GUCY1A2: variants seen among roughly 807,000 people sequenced by gnomAD.
The protein encoded by GUCY1A2 is guanylate cyclase 1 soluble subunit alpha 2, also known as guanylate cyclase soluble subunit alpha-2.
Under a neutral mutation model 63.5 loss-of-function variants are expected in GUCY1A2, and 27 were observed. That is an observed-to-expected ratio of 0.43 (90% CI 0.31 to 0.59). GUCY1A2 has a LOEUF of 0.59. Among genes scored for constraint, GUCY1A2 ranks in the 20% least tolerant of loss-of-function variants. The pLI, the probability that GUCY1A2 is intolerant of heterozygous loss-of-function variation, is 0.11. For synonymous variants in GUCY1A2, 364 were observed against 343.5 expected, an observed-to-expected ratio of 1.06 and a Z score of -0.66; for missense variants, 768 against 913.3, an observed-to-expected ratio of 0.84 and a Z score of 2.05.
intron 7 of GUCY1A2, among the ~76,000 whole-genome samples, chr11:106,708,087 A>G (rs1293090544): frequency 1.3e-5 from 2 of 151,828 alleles, no homozygotes; most frequent in Non-Finnish European, 2.9e-5. Context: ...TAATTTATAT[A>G]TATATAAATT....
intron 6 of GUCY1A2, among the ~76,000 whole-genome samples, chr11:106,740,662 G>GTATA (rs1449744134): frequency 1.1e-5 from 1 of 92,930 alleles, no homozygotes; most frequent in African/African-American, 2.7e-5. Context: ...ATGTATGTAT[G>GTATA]TATGTATGTA....
chr11:106,716,291 C>G (rs544686043), intron 6 of GUCY1A2, among the ~76,000 whole-genome samples: 51 of 152,182 alleles, frequency 3.4e-4, no homozygotes, highest in African/African-American at 1.2e-3. Context: ...TGGATAATGC[C>G]TTTTCGTGGG....
rs190865479 is a variant in GUCY1A2, at chr11:106,877,041, T to C, written c.1206+62419A>G. 2.0e-3 allele frequency among the ~76,000 whole-genome samples: 308 copies of C among 152,176 alleles called. 1 individual carries two copies. The highest frequency in any genetic ancestry group is 0.014 in the Middle Eastern group (4 of 294). On this transcript the variant is annotated intron_variant, in intron 4 of 7. Coordinates refer to ENST00000526355, the MANE Select transcript of GUCY1A2 (RefSeq NM_000855.3). Reference sequence around the variant, plus strand: ...GAAGCAAAGGTTATAGTGATGCACTTTGAAGATGCAGTAAAGGGCCGTAAG... The same window carrying C: ...GAAGCAAAGGTTATAGTGATGCACTCTGAAGATGCAGTAAAGGGCCGTAAG...
At chr11:106,755,995 G>A (rs945983709) in intron 6 of GUCY1A2, among the ~76,000 whole-genome samples, 3 of 152,120 alleles carry the variant, frequency 2.0e-5, no homozygotes, top group Non-Finnish European at 2.9e-5. Flanking sequence ...TCTCCTTGTA[G>A]GTTTCTAAGG....
intron 4 of GUCY1A2, among the ~76,000 whole-genome samples, chr11:106,848,343 T>C (rs1472487201): frequency 6.6e-6 from 1 of 151,610 alleles, no homozygotes; most frequent in Non-Finnish European, 1.5e-5. Flanking sequence ...TATACAGATA[T>C]TGCTAAAGAT....
chr11:106,825,286 T>C (rs1194658264), intron 4 of GUCY1A2, among the ~76,000 whole-genome samples: 1 of 152,152 alleles, frequency 6.6e-6, no homozygotes, highest in Non-Finnish European at 1.5e-5. Flanking sequence ...GACATAACTA[T>C]CTTTTTGAAA....
chr11:106,868,711 C>G (rs143075236), intron 4 of GUCY1A2, among the ~76,000 whole-genome samples: 3 of 152,150 alleles, frequency 2.0e-5, no homozygotes, highest in African/African-American at 7.2e-5. Flanking sequence ...AATGCCATGC[C>G]CATCAAGCTA....
At chr11:106,890,700 T>A (rs982449946) in intron 4 of GUCY1A2, among the ~76,000 whole-genome samples, 5 of 152,182 alleles carry the variant, frequency 3.3e-5, no homozygotes, top group Admixed American at 3.3e-4. Flanking sequence ...ACCTCGGATA[T>A]AACTGCAATC....
Position 106,685,974 on chromosome 11 carries a change from A to G in GUCY1A2, c.*1575T>C, listed in dbSNP as rs1862520271. ...TAGACTACATTGGAAATTAGTAAAT[A>G]TATTCCTTAACTGAGTTATGTCATA... On this transcript the variant is annotated 3_prime_UTR_variant, in exon 8 of 8. Coordinates refer to ENST00000526355, the MANE Select transcript of GUCY1A2 (RefSeq NM_000855.3). The G allele has an allele frequency of 4.5e-6, 1 of 221,416 alleles. No individual in the cohort carries two copies. The highest frequency in any genetic ancestry group is 1.8e-4 in the South Asian group (1 of 5,440). The allele number at this position is 221,416 out of a possible 1,614,324, so 13.7% of individuals were successfully genotyped here.
At chr11:106,868,317 T>G (rs1565314949) in intron 4 of GUCY1A2, among the ~76,000 whole-genome samples, 1 of 152,096 alleles carries the variant, frequency 6.6e-6, no homozygotes, top group African/African-American at 2.4e-5. Flanking sequence ...AGTCAAATTG[T>G]CCCTGTTTGC....
chr11:106,949,035 A>G (rs1860868635), intron 3 of GUCY1A2, among the ~76,000 whole-genome samples: 1 of 152,208 alleles, frequency 6.6e-6, no homozygotes, highest in Non-Finnish European at 1.5e-5. Flanking sequence ...AAGCTAAGCT[A>G]AAACTGTCAA....
intron 4 of GUCY1A2, among the ~76,000 whole-genome samples, chr11:106,836,876 AGT>A (rs1405633800): frequency 1.3e-5 from 2 of 151,824 alleles, no homozygotes. Flanking sequence ...TGCAAGTGGT[AGT>A]GCCGGGTAGA....
rs539088792 is a variant in GUCY1A2 at position 106,851,157 on chromosome 11, T to C, written c.1207-40679A>G. Among the ~76,000 whole-genome samples the C allele has an allele frequency of 2.0e-5, 3 of 151,912 alleles. No individual in the cohort carries two copies. The South Asian group carries it at 6.2e-4, about 32-fold the overall frequency. ...TGTCTCCCTTTGAGAAATGTCTGTT[T>C]AGTTTCTTTGCCCACTTTTTAAATG... On this transcript the variant is annotated intron_variant, in intron 4 of 7. Transcript: ENST00000526355.
intron 4 of GUCY1A2, among the ~76,000 whole-genome samples, chr11:106,879,256 C>T (rs1039480361): frequency 1.3e-5 from 2 of 152,050 alleles, no homozygotes; most frequent in African/African-American, 4.8e-5. Flanking sequence ...AAACATTCAT[C>T]GATGGCGTGA....
chr11:106,856,390 G>C (rs1859434818), intron 4 of GUCY1A2, among the ~76,000 whole-genome samples: 1 of 152,024 alleles, frequency 6.6e-6, no homozygotes, highest in African/African-American at 2.4e-5. Context: ...TAAGTAATAT[G>C]ACAGAAAGAA....
intron 6 of GUCY1A2, among the ~76,000 whole-genome samples, chr11:106,734,376 C>T (rs1017470174): frequency 6.6e-6 from 1 of 152,042 alleles, no homozygotes; most frequent in African/African-American, 2.4e-5. Context: ...GAATATCCTA[C>T]AAACTTGAGG....
intron 4 of GUCY1A2, among the ~76,000 whole-genome samples, chr11:106,932,913 G>A (rs549700819): frequency 6.6e-6 from 1 of 152,218 alleles, no homozygotes; most frequent in South Asian, 2.1e-4. Context: ...CTGGCTAGCT[G>A]TATGCAGGTG....
chr11:106,827,263 G>A (rs1198980276), intron 4 of GUCY1A2: 1 of 1,551,694 alleles, frequency 6.4e-7, no homozygotes, highest in Non-Finnish European at 8.9e-7. Context: ...TGTATATCTG[G>A]TTCTTTTATA....
chr11:106,957,630 G>A (rs1187322588), intron 3 of GUCY1A2, among the ~76,000 whole-genome samples: 2 of 151,886 alleles, frequency 1.3e-5, no homozygotes, highest in East Asian at 1.9e-4. Context: ...CAATTTTGGC[G>A]AGAGAACCTG....
Sources: allele counts gnomAD v4.1 joint callset (sites outside exome capture counted in the v4.1 genomes callset), GRCh38; gene constraint gnomAD v4.1.1; transcripts MANE v1.5; gene names NCBI Gene and HGNC (gene_info 2026-07-23, HGNC 2026-07-21).